Variants in NBPF20 observed in about 807,000 individuals in gnomAD.
The protein encoded by NBPF20 is NBPF member 20, also known as NBPF family member NBPF20.
A neutral mutation model predicts 68.1 loss-of-function variants in NBPF20; 90 were observed. The observed-to-expected ratio is 1.32, with a 90% CI of 1.11 to 1.58. The LOEUF is 1.58. Among genes scored for constraint, NBPF20 ranks in the 40% most tolerant of loss-of-function variants. The pLI is 0.00. For missense variants in NBPF20, 816 were observed against 601.2 expected (o/e 1.36, Z -3.74); for synonymous variants, 290 against 228.1 (o/e 1.27, Z -2.45).
chr1:145,377,969 A>G, intron 29 of NBPF20, 74 bp downstream of exon 34: 1 of 453,868 alleles, frequency 2.2e-6, no homozygotes, highest in Non-Finnish European at 3.8e-6. Context: ...AATTGAACAC[A>G]CTCTTGTTTT....
At chr1:145,410,849 A>G in the NBPF20 span, among the ~76,000 whole-genome samples, 1 of 136,970 alleles carries the variant, frequency 7.3e-6, no homozygotes, top group Non-Finnish European at 1.5e-5. Context: ...CCCTATTTGG[A>G]GATAATAATC....
At chr1:145,410,027 GAC>G (rs1281556286), upstream of NBPF20, among the ~76,000 whole-genome samples, 4 of 152,094 alleles carry the variant, frequency 2.6e-5, no homozygotes, top group African/African-American at 4.8e-5. Flanking sequence ...TCATTGTGCA[GAC>G]ACAGTGTGTA....
chr1:145,290,016 AG>A lies in NBPF20; in HGVS notation c.*1509del, dbSNP rs1431211042. 1.5e-4 allele frequency: 22 copies of A among 148,180 alleles called. 2 individuals carry two copies. In the Middle Eastern group the frequency reaches 0.01, roughly 69 times the overall value. 9.2% of individuals were successfully genotyped at this position (148,180 alleles called of 1,614,324 possible). ...CCAGAAGTCCAGAGTGATAGGCAAAAGGTTTTAATTGTATAGATTAAAATTA... is the reference window on the plus strand; with the variant it reads ...CCAGAAGTCCAGAGTGATAGGCAAAAGTTTTAATTGTATAGATTAAAATTA... On this transcript the variant is annotated 3_prime_UTR_variant, in exon 138 of 138. Transcript: ENST00000369373.
the NBPF20 span, among the ~76,000 whole-genome samples, chr1:145,415,170 GA>G: frequency 6.6e-6 from 1 of 151,290 alleles, no homozygotes; most frequent in South Asian, 2.1e-4. Context: ...ACAAGGTAAA[GA>G]AAAAAGTGCT....
At chr1:145,419,576 G>A in the NBPF20 span, among the ~76,000 whole-genome samples, 1 of 152,094 alleles carries the variant, frequency 6.6e-6, no homozygotes, top group Non-Finnish European at 1.5e-5. Context: ...CCCAGCTGCA[G>A]GTGGGGGCCT....
chr1:145,393,834 A>T (rs1355195420), intron 9 of NBPF20, 50 bp downstream of exon 14: 1 of 1,346,782 alleles, frequency 7.4e-7, no homozygotes, highest in Non-Finnish European at 1.1e-6. Flanking sequence ...TGGACTTGGC[A>T]TCTCCAGGTG....
At chr1:145,419,521 C>A in the NBPF20 span, among the ~76,000 whole-genome samples, 2 of 152,250 alleles carry the variant, frequency 1.3e-5, no homozygotes, top group South Asian at 2.1e-4. Flanking sequence ...CCCAGAACAC[C>A]AGGCCGCAAC....
At chr1:145,409,251 T>C (rs1553668446), upstream of NBPF20, among the ~76,000 whole-genome samples, 2 of 151,844 alleles carry the variant, frequency 1.3e-5, no homozygotes, top group African/African-American at 4.8e-5. Flanking sequence ...TTCCTTCGTG[T>C]GGCTATACCA....
At chr1:145,394,662 C>A (rs1448593576) in intron 8 of NBPF20, among the ~76,000 whole-genome samples, 2 of 152,132 alleles carry the variant, frequency 1.3e-5, no homozygotes, top group Admixed American at 1.3e-4. Flanking sequence ...ATGAGCTGAG[C>A]TGACAGACAA....
intron 8 of NBPF20, among the ~76,000 whole-genome samples, chr1:145,394,398 T>A (rs1662111110): frequency 6.6e-6 from 1 of 152,036 alleles, no homozygotes; most frequent in Non-Finnish European, 1.5e-5. Flanking sequence ...CATCAGCTAT[T>A]ATGGCTTTTG....
At chr1:145,397,269 T>G (rs1210613868) in intron 7 of NBPF20, among the ~76,000 whole-genome samples, 1 of 151,938 alleles carries the variant, frequency 6.6e-6, no homozygotes, top group Non-Finnish European at 1.5e-5. Flanking sequence ...TTTATAATCA[T>G]TTGGGTACAC....
upstream of NBPF20, among the ~76,000 whole-genome samples, chr1:145,406,050 C>G (rs1662763755): frequency 6.7e-6 from 1 of 148,822 alleles, no homozygotes; most frequent in Non-Finnish European, 1.5e-5. Flanking sequence ...TCCCAAGTAG[C>G]TGGGAATACA....
At chr1:145,393,455 AC>A (rs1662026140) in intron 9 of NBPF20, among the ~76,000 whole-genome samples, 1 of 121,282 alleles carries the variant, frequency 8.2e-6, no homozygotes, top group African/African-American at 3.1e-5. Context: ...ACACACACAC[AC>A]AAACACACAC....
rs1662154745 is a variant in NBPF20 at position 145,395,015 on chromosome 1, T to C, written c.954A>G (p.Leu318=). 3 of 1,611,660 alleles carry C rather than the reference T, an allele frequency of 1.9e-6. No homozygotes were observed. In the African/African-American group the frequency reaches 4.0e-5, roughly 22 times the overall value. ...CAGCCATGCAGACTTGCTGTTCCTC[T>C]AATGAGTGAAATGTGCTGCTGTAAG... is the stretch of plus-strand genomic sequence containing the variant. The change falls in exon 8 of 138, where the codon TTA becomes TTG. Residue 318 remains leucine, a synonymous_variant. Coordinates refer to ENST00000369373, the Ensembl canonical transcript of NBPF20.
chr1:145,413,413 A>C, the NBPF20 span, among the ~76,000 whole-genome samples: 2 of 151,752 alleles, frequency 1.3e-5, no homozygotes, highest in Admixed American at 1.3e-4. Context: ...GAAACATTCA[A>C]ATATCTATCA....
intron 137 of NBPF20, among the ~76,000 whole-genome samples, chr1:145,292,165 T>C (rs1426457513): frequency 6.7e-6 from 1 of 149,904 alleles, no homozygotes; most frequent in Admixed American, 6.6e-5. Context: ...AGAGTACAGC[T>C]TTTGAAGTAT....
exon 76 of NBPF20, chr1:145,340,816 G>A: frequency 6.4e-6 from 1 of 155,046 alleles, no homozygotes; most frequent in South Asian, 3.3e-5. Context: ...ATACGTAAAA[G>A]GCACTTCTGT....
the NBPF20 span, among the ~76,000 whole-genome samples, chr1:145,410,902 CGTTTGTGTGTGT>C: frequency 1.6e-5 from 2 of 122,248 alleles, 1 homozygote; most frequent in Admixed American, 1.5e-4. Context: ...CACACACACA[CGTTTGTGTGTGT>C]GTGTGTGTAT....
chr1:145,394,261 A>G (rs1168093946), intron 8 of NBPF20, among the ~76,000 whole-genome samples: 78 of 151,600 alleles, frequency 5.1e-4, no homozygotes, highest in South Asian at 1.9e-3. Flanking sequence ...AGACACTTCA[A>G]TATTAAGCTT....
Sources: gnomAD v4.1 joint callset for allele counts (sites outside exome capture counted in the v4.1 genomes callset) on GRCh38, gnomAD v4.1.1 for gene constraint, MANE v1.5 for transcripts, NCBI Gene and HGNC (gene_info 2026-07-23, HGNC 2026-07-21) for gene names.